Variants in MAD1L1 observed in about 807,000 individuals in gnomAD.
The protein encoded by MAD1L1 is mitotic arrest deficient 1 like 1, also known as mitotic spindle assembly checkpoint protein MAD1.
In MAD1L1, 95 loss-of-function variants were observed where a neutral mutation model predicts 96.9. The ratio of observed to expected loss-of-function variants is 0.98; its 90% CI spans 0.83 to 1.16. The LOEUF is 1.16. Ranked by LOEUF, MAD1L1 falls within the 50% of genes most tolerant of loss-of-function variation. The pLI is 0.00. For synonymous variants in MAD1L1, 473 were observed against 396.6 expected (o/e 1.19, Z -2.29); for missense variants, 1,007 against 954.4 (o/e 1.06, Z -0.73).
intron 18 of MAD1L1, among the ~76,000 whole-genome samples, chr7:1,884,939 G>A (rs916025903): frequency 6.6e-6 from 1 of 152,228 alleles, no homozygotes; most frequent in Non-Finnish European, 1.5e-5. Context: ...CACCCCTCAC[G>A]TCGCCCTCCG....
chr7:2,061,370 TA>T lies in MAD1L1; in HGVS notation c.1218+7823del, dbSNP rs373140749. On this transcript the variant is annotated intron_variant, in intron 12 of 18. Transcript: ENST00000265854. ...ATAATAAAATTAAAATAAAATAAAA[TA>T]AAAATAAAAGCCCAAAGGGGTAGGA... 4.5e-3 allele frequency among the ~76,000 whole-genome samples: 670 copies of T among 149,040 alleles called. 6 individuals carry two copies. The highest frequency in any genetic ancestry group is 0.015 in the African/African-American group (638 of 41,198).
At chr7:1,990,151 A>G (rs1781343743) in intron 14 of MAD1L1, among the ~76,000 whole-genome samples, 1 of 152,204 alleles carries the variant, frequency 6.6e-6, no homozygotes. Flanking sequence ...GGCATCGCTG[A>G]GTCTCAGCTG....
intron 10 of MAD1L1, among the ~76,000 whole-genome samples, chr7:2,168,974 G>A (rs1216817201): frequency 6.6e-6 from 1 of 152,226 alleles, no homozygotes; most frequent in Admixed American, 6.5e-5. Flanking sequence ...GCTCTTACGT[G>A]GGCTTTTCCC....
chr7:2,191,292 C>T (rs2128606654), intron 10 of MAD1L1, among the ~76,000 whole-genome samples: 1 of 152,342 alleles, frequency 6.6e-6, no homozygotes, highest in African/African-American at 2.4e-5. Flanking sequence ...GAAGTCGCAA[C>T]AGGCAGCATG....
chr7:2,164,556 A>T (rs1447011680), intron 10 of MAD1L1, among the ~76,000 whole-genome samples: 2 of 139,702 alleles, frequency 1.4e-5, no homozygotes, highest in Non-Finnish European at 3.1e-5. Flanking sequence ...TAAGTGACAG[A>T]ATCAGAGTCT....
intron 12 of MAD1L1, 35 bp downstream of exon 12, chr7:2,069,159 T>C (rs1175035914): frequency 6.5e-7 from 1 of 1,535,120 alleles, no homozygotes. Flanking sequence ...CGCAGCTCCC[T>C]GCGACTCTGA....
At chr7:1,980,864 G>T in intron 14 of MAD1L1, 1 of 442,952 alleles carries the variant, frequency 2.3e-6, no homozygotes, top group Non-Finnish European at 4.4e-6. Context: ...CTCCAACGCT[G>T]CCGTCGGTTT....
rs912519497 is a variant in MAD1L1, at chr7:1,891,583, C to A, written c.1998+6617G>T. Among the ~76,000 whole-genome samples, 7 of 152,030 alleles carry A rather than the reference C, an allele frequency of 4.6e-5. No homozygotes were observed. The South Asian group carries it at 6.3e-4, about 14-fold the overall frequency. On this transcript the variant is annotated intron_variant, in intron 18 of 18. Coordinates refer to ENST00000265854, the MANE Select transcript of MAD1L1 (RefSeq NM_001013836.2). Reference sequence around the variant, plus strand: ...TCAAAAAGTTACAACAAACTTTATTCTTATTATTATTAGAGATGGGATCTC... The same window carrying A: ...TCAAAAAGTTACAACAAACTTTATTATTATTATTATTAGAGATGGGATCTC...
chr7:1,965,176 G>A (rs1780110495), intron 15 of MAD1L1, among the ~76,000 whole-genome samples: 2 of 152,232 alleles, frequency 1.3e-5, no homozygotes, highest in Admixed American at 6.5e-5. Flanking sequence ...AGAGGCTGGC[G>A]AGTGGGGTAC....
intron 13 of MAD1L1, among the ~76,000 whole-genome samples, chr7:2,004,620 C>T (rs1781949617): frequency 6.6e-6 from 1 of 152,230 alleles, no homozygotes. Context: ...GGTGGCCAGC[C>T]CAGGGTCCTG....
chr7:1,964,634 T>C (rs1439163652), intron 15 of MAD1L1, among the ~76,000 whole-genome samples: 1 of 152,222 alleles, frequency 6.6e-6, no homozygotes, highest in Non-Finnish European at 1.5e-5. Context: ...GCAACTTTTT[T>C]AAACACGAGG....
At chr7:1,930,588 G>A (rs1282141831) in intron 17 of MAD1L1, among the ~76,000 whole-genome samples, 3 of 107,748 alleles carry the variant, frequency 2.8e-5, no homozygotes, top group Admixed American at 9.6e-5. Context: ...GCGTCCCCTC[G>A]CCCACCCCAC....
chr7:2,220,028 G>T (rs992793080), intron 5 of MAD1L1, among the ~76,000 whole-genome samples: 2 of 152,156 alleles, frequency 1.3e-5, no homozygotes, highest in Non-Finnish European at 2.9e-5. Context: ...CCATCACTTC[G>T]GTCTTCCCTC....
intron 11 of MAD1L1, chr7:2,080,009 C>T (rs190519670): frequency 6.6e-6 from 2 of 304,954 alleles, no homozygotes; most frequent in East Asian, 2.0e-4. Flanking sequence ...ACCATCCGTG[C>T]GTCCGTCAAC....
At position 1,892,544 on chromosome 7, in the gene MAD1L1, G is replaced by T. The variant is rs553843067; in HGVS notation, c.1998+5656C>A. Among the ~76,000 whole-genome samples the T allele has an allele frequency of 4.6e-5, 7 of 152,272 alleles. No homozygotes were observed. In the South Asian group the frequency reaches 1.5e-3, roughly 32 times the overall value. ...TCCCTAATCTGAAAATCTGGTATCG[G>T]AAACGCTCCATTAAGCATTTCCTTT... On this transcript the variant is annotated intron_variant, in intron 18 of 18. Transcript: ENST00000265854.
chr7:2,217,810 C>A, intron 7 of MAD1L1, 152 bp downstream of exon 7: 1 of 673,330 alleles, frequency 1.5e-6, no homozygotes, highest in Non-Finnish European at 2.6e-6. Context: ...CATGGCATCC[C>A]TGGTGCCCAG....
At chr7:1,966,943 C>T (rs1055325614) in intron 15 of MAD1L1, among the ~76,000 whole-genome samples, 1 of 152,212 alleles carries the variant, frequency 6.6e-6, no homozygotes, top group Non-Finnish European at 1.5e-5. Context: ...GAGAGGCTGC[C>T]GGAAATCCTT....
At chr7:1,854,626 C>G (rs1784153466) in intron 18 of MAD1L1, among the ~76,000 whole-genome samples, 1 of 152,172 alleles carries the variant, frequency 6.6e-6, no homozygotes. Flanking sequence ...CCTCCTCATG[C>G]CCCTCACAGT....
At chr7:2,062,270 A>C (rs1318725519) in intron 12 of MAD1L1, among the ~76,000 whole-genome samples, 8 of 143,116 alleles carry the variant, frequency 5.6e-5, no homozygotes, top group South Asian at 2.3e-4. Context: ...AAAAAAAAAA[A>C]AAAAAACAGG....
Sources: gnomAD v4.1 joint callset for allele counts (sites outside exome capture counted in the v4.1 genomes callset) on GRCh38, gnomAD v4.1.1 for gene constraint, MANE v1.5 for transcripts, NCBI Gene and HGNC (gene_info 2026-07-23, HGNC 2026-07-21) for gene names.